Variants in CD163L1 observed in about 807,000 individuals in gnomAD.
The protein encoded by CD163L1 is CD163 molecule like 1, also known as scavenger receptor cysteine-rich type 1 protein M160.
In CD163L1, 124 loss-of-function variants were observed where a neutral mutation model predicts 165.4. That is an observed-to-expected ratio of 0.75 (90% confidence interval 0.65 to 0.87). CD163L1 has a LOEUF of 0.87. Among genes scored for constraint, CD163L1 ranks in the 40% least tolerant of loss-of-function variants. The pLI, the probability that CD163L1 is intolerant of heterozygous loss-of-function variation, is 0.00. For missense variants in CD163L1, 1,525 were observed against 1,799.9 expected, an observed-to-expected ratio of 0.85 and a Z score of 2.76; for synonymous variants, 585 against 662.2, an observed-to-expected ratio of 0.88 and a Z score of 1.79.
At chr12:7,335,649 T>C in the CD163L1 span, among the ~76,000 whole-genome samples, 1 of 151,810 alleles carries the variant, frequency 6.6e-6, no homozygotes, top group Admixed American at 6.6e-5. Flanking sequence ...AAAGGCAAAA[T>C]TGACAAATGG....
chr12:7,443,641 C>T (rs898635729), intron 1 of CD163L1, among the ~76,000 whole-genome samples: 1 of 152,214 alleles, frequency 6.6e-6, no homozygotes, highest in African/African-American at 2.4e-5. Context: ...GATTCTACTA[C>T]ATGACCTTAC....
chr12:7,442,965 C>G (rs1948848870), intron 1 of CD163L1, among the ~76,000 whole-genome samples: 1 of 152,208 alleles, frequency 6.6e-6, no homozygotes, highest in Non-Finnish European at 1.5e-5. Context: ...TTCTATATAT[C>G]TAATACCATC....
rs1947900516 is a variant in CD163L1, at chr12:7,400,745, A to G, written c.1409-2161T>C. 6.6e-6 allele frequency among the ~76,000 whole-genome samples: 1 copy of G among 152,218 alleles called. No homozygotes were observed. Among genetic ancestry groups the G allele is most frequent in the East Asian group, 1.9e-4 (1 of 5,194 alleles). ...ATGTCAATTCATATTTAGAAGAACA[A>G]AAAGGAAAAAGTAGCAAGGAATTTT... On this transcript the variant is annotated intron_variant, in intron 6 of 19. Coordinates refer to ENST00000313599, the MANE Select transcript of CD163L1 (RefSeq NM_174941.6). The surrounding 1 kb of genome is among the most constrained non-coding windows in gnomAD (Gnocchi z 4.1).
intron 17 of CD163L1, chr12:7,367,551 T>C: frequency 2.6e-6 from 1 of 378,898 alleles, no homozygotes; most frequent in South Asian, 4.6e-5. Context: ...GTTCTTTACA[T>C]AGTATTTACT....
chr12:7,441,105 G>A (rs2136656302), intron 2 of CD163L1, 49 bp downstream of exon 2: 1 of 1,311,902 alleles, frequency 7.6e-7, no homozygotes, highest in East Asian at 2.3e-5. Flanking sequence ...TAGGGGAAAG[G>A]TAGAATAGAG....
At chr12:7,339,172 G>A in the CD163L1 span, among the ~76,000 whole-genome samples, 1 of 152,120 alleles carries the variant, frequency 6.6e-6, no homozygotes, top group Non-Finnish European at 1.5e-5. Flanking sequence ...AGAGTTCTTA[G>A]AAATTATAAT....
At chr12:7,342,266 T>G (rs1946642315), downstream of CD163L1, among the ~76,000 whole-genome samples, 1 of 152,248 alleles carries the variant, frequency 6.6e-6, no homozygotes, top group East Asian at 1.9e-4. Context: ...CCACCCAGGG[T>G]GGAAAACCAC....
At chr12:7,396,854 C>CAGAG (rs1456075211) in intron 7 of CD163L1, among the ~76,000 whole-genome samples, 1 of 143,804 alleles carries the variant, frequency 7.0e-6, no homozygotes, top group African/African-American at 2.5e-5. Context: ...TGCACACACA[C>CAGAG]ACAGAGAGAG....
At chr12:7,365,304 A>G (rs1283498926) in intron 18 of CD163L1, among the ~76,000 whole-genome samples, 1 of 152,136 alleles carries the variant, frequency 6.6e-6, no homozygotes, top group Non-Finnish European at 1.5e-5. Context: ...ACCTGAAACT[A>G]TGAAACAATT....
Position 7,368,709 on chromosome 12 carries a change from C to T in CD163L1, c.4072+224G>A. On this transcript the variant is annotated intron_variant, in intron 16 of 19. Transcript: ENST00000313599. This position sits in a 1 kb window ranked among gnomAD's most constrained non-coding sequence, Gnocchi z 4.3. ...TCTAGAAAGATTATCTATGAGGGTA[C>T]CATGAGAGTCTTATCCTTCTCTGCA... 1.9e-6 allele frequency: 1 copy of T among 514,808 alleles called. No homozygotes were observed. Among genetic ancestry groups the T allele is most frequent in the Non-Finnish European group, 3.5e-6 (1 of 281,884 alleles). 31.9% of individuals were successfully genotyped at this position (514,808 alleles called of 1,614,324 possible).
chr12:7,339,248 A>G, the CD163L1 span, among the ~76,000 whole-genome samples: 1 of 152,182 alleles, frequency 6.6e-6, no homozygotes, highest in Non-Finnish European at 1.5e-5. Context: ...CATTCCTAGT[A>G]TCCTTGTGGA....
At chr12:7,380,372 T>TACATGTATGTGTGTATATGCGTATACAC (rs59536745) in intron 8 of CD163L1, among the ~76,000 whole-genome samples, 13 of 145,330 alleles carry the variant, frequency 8.9e-5, no homozygotes, top group South Asian at 4.5e-4. Flanking sequence ...CGCGTATACA[T>TACATGTATGTGTGTATATGCGTATACAC]ACATGTATGT....
Position 7,372,085 on chromosome 12 carries a change from A to T in CD163L1, c.3730+1235T>A, listed in dbSNP as rs1220351182. Among the ~76,000 whole-genome samples the T allele has an allele frequency of 1.3e-5, 2 of 152,100 alleles. No individual in the cohort carries two copies. Among genetic ancestry groups the T allele is most frequent in the Non-Finnish European group, 2.9e-5 (2 of 67,964 alleles). On this transcript the variant is annotated intron_variant, in intron 14 of 19. Coordinates refer to ENST00000313599, the MANE Select transcript of CD163L1 (RefSeq NM_174941.6). The surrounding 1 kb of genome is among the most constrained non-coding windows in gnomAD (Gnocchi z 4.2). ...AGCAAAATGCTTAAAAATATGAACC[A>T]CAAACAGACAATATTCATAAATAAT...
chr12:7,406,084 C>T (rs1022309140), intron 5 of CD163L1, among the ~76,000 whole-genome samples: 1 of 152,078 alleles, frequency 6.6e-6, no homozygotes. Flanking sequence ...GATAGGTACT[C>T]TTTGGAAATA....
rs1398269591 is a variant in CD163L1, at chr12:7,403,728, C to T, written c.1215G>A (p.Val405=). ...DQNWKNEQAL[V]VCKQLGCPFS... is the part of the protein sequence containing the mutation. ...ACGGACATCCTAGCTGCTTACAAAC[C>T]ACAAGGGCTTGTTCATTCTTCCAGT... The change falls in exon 6 of 20, where the codon GTG becomes GTA. Residue 405 remains valine (V), a synonymous_variant. Transcript: ENST00000313599. 6.2e-7 allele frequency: 1 copy of T among 1,614,064 alleles called. No individual in the cohort carries two copies. Among genetic ancestry groups the T allele is most frequent in the Admixed American group, 1.7e-5 (1 of 59,982 alleles).
intron 8 of CD163L1, among the ~76,000 whole-genome samples, chr12:7,382,031 T>A (rs1947421184): frequency 6.8e-6 from 1 of 148,024 alleles, no homozygotes; most frequent in Admixed American, 6.8e-5. Context: ...TATATAGAAT[T>A]GTTTATATAT....
Position 7,394,054 on chromosome 12 carries a change from G to A in CD163L1, c.2050+2041C>T, listed in dbSNP as rs749514881. 1.5e-4 allele frequency among the ~76,000 whole-genome samples: 23 copies of A among 149,086 alleles called. No individual in the cohort carries two copies. In the East Asian group the frequency reaches 4.0e-3, roughly 26 times the overall value. On this transcript the variant is annotated intron_variant, in intron 8 of 19. Transcript: ENST00000313599. ...CAAGCTACCAATGACTTTCTTCACCGAATTGGAAAAAACTACTTTAAAGTT... is the reference window on the plus strand; with the variant it reads ...CAAGCTACCAATGACTTTCTTCACCAAATTGGAAAAAACTACTTTAAAGTT...
chr12:7,369,557 G>A lies in CD163L1; in HGVS notation c.3839C>T (p.Ala1280Val), dbSNP rs145909473. The change falls in exon 15 of 20, where the codon GCG becomes GTG. Residue 1280 changes from alanine to valine, a missense_variant. Physicochemically the swap from Ala to Val is moderately conservative, Grantham distance 64. Transcript: ENST00000313599. The surrounding 1 kb of genome is among the most constrained non-coding windows in gnomAD (Gnocchi z 4.9). Reference sequence around the variant, plus strand: ...GCCCAGCTGCTGACACACCACTTCCGCCTCGGCCAGGTCCCAGGAGTCATC... The same window carrying A: ...GCCCAGCTGCTGACACACCACTTCCACCTCGGCCAGGTCCCAGGAGTCATC... Reference protein sequence around the residue: ...VCDDSWDLAEAEVVCQQLGCG... With the variant: ...VCDDSWDLAEVEVVCQQLGCG... 18 of 1,613,988 alleles carry A rather than the reference G, an allele frequency of 1.1e-5. No individual in the cohort carries two copies. The highest frequency in any genetic ancestry group is 9.3e-5 in the African/African-American group (7 of 74,916).
At chr12:7,337,305 C>A in the CD163L1 span, among the ~76,000 whole-genome samples, 2 of 152,016 alleles carry the variant, frequency 1.3e-5, no homozygotes, top group African/African-American at 4.8e-5. Context: ...CAACAAAAGC[C>A]AAAATTGACA....
Sources: allele counts gnomAD v4.1 joint callset (sites outside exome capture counted in the v4.1 genomes callset), GRCh38; gene constraint gnomAD v4.1.1; non-coding constraint Gnocchi (gnomAD v3.1); transcripts MANE v1.5; gene names NCBI Gene and HGNC (gene_info 2026-07-23, HGNC 2026-07-21).